FAM234B: variants seen among roughly 807,000 people sequenced by gnomAD.
FAM234B encodes protein FAM234B.
A neutral mutation model predicts 69.3 loss-of-function variants in FAM234B; 33 were observed. The ratio of observed to expected loss-of-function variants is 0.48; its 90% CI spans 0.36 to 0.64. The LOEUF (loss-of-function observed/expected upper bound fraction) is 0.64. FAM234B is among the 30% of genes least tolerant of loss of function. The probability of loss-of-function intolerance (pLI) is 0.00; values close to 1 mark genes in which losing one functional copy is unlikely to be tolerated. For synonymous variants in FAM234B, 306 were observed against 306.9 expected (o/e 1.00, Z 0.03); for missense variants, 697 against 769.7 (o/e 0.91, Z 1.12).
chr12:13,063,878 T>C (rs904301405), intron 5 of FAM234B, among the ~76,000 whole-genome samples: 1 of 152,256 alleles, frequency 6.6e-6, no homozygotes, highest in African/African-American at 2.4e-5. Flanking sequence ...AATGTGGATA[T>C]GGCTAATTTT....
chr12:13,061,622 G>A lies in FAM234B; in HGVS notation c.580G>A (p.Gly194Ser), dbSNP rs756937321. The A allele has an allele frequency of 6.2e-7, 1 of 1,613,936 alleles. No individual in the cohort carries two copies. The highest frequency in any genetic ancestry group is 8.5e-7 in the Non-Finnish European group (1 of 1,179,970). ...TCTTGTATGCCTTTCGGGGATGAAT[G>A]GCAGCACACTGTGGTCTAGTCTTCT... ...ANLVCLSGMN[G>S]STLWSSLLPE... Residue 194 changes from glycine (G) to serine (S), a missense_variant, in exon 4 of 13, where the codon GGC becomes AGC. By Grantham distance (56) the Gly-to-Ser change is moderately conservative. Coordinates refer to ENST00000197268, the MANE Select transcript of FAM234B (RefSeq NM_020853.2).
intron 11 of FAM234B, among the ~76,000 whole-genome samples, chr12:13,076,886 T>C (rs1865167707): frequency 6.6e-6 from 1 of 152,218 alleles, no homozygotes; most frequent in South Asian, 2.1e-4. Context: ...GCTGTTCCTG[T>C]TGGGAGGTCA....
At chr12:13,064,886 G>GT (rs1437189841) in intron 5 of FAM234B, among the ~76,000 whole-genome samples, 1 of 152,188 alleles carries the variant, frequency 6.6e-6, no homozygotes, top group African/African-American at 2.4e-5. Flanking sequence ...TGGGTTTAGA[G>GT]TGAAGTGGGC....
At chr12:13,068,221 A>G in intron 7 of FAM234B, 83 bp from the exon 8 acceptor site, 1 of 1,408,192 alleles carries the variant, frequency 7.1e-7, no homozygotes, top group African/African-American at 1.4e-5. Context: ...AGGTGTACGT[A>G]TACTGAGAGA....
intron 2 of FAM234B, 145 bp from the exon 3 acceptor site, chr12:13,058,306 T>A (rs1864952144): frequency 1.4e-6 from 1 of 699,490 alleles, no homozygotes; most frequent in African/African-American, 1.8e-5. Context: ...TTCCATGCAC[T>A]TAGCAGGGGG....
chr12:13,045,327 A>G (rs1360448615), intron 1 of FAM234B, among the ~76,000 whole-genome samples: 1 of 151,948 alleles, frequency 6.6e-6, no homozygotes, highest in African/African-American at 2.4e-5. Context: ...TTTAAACATT[A>G]GGCTTTAGAA....
At chr12:13,051,883 G>T (rs946966183) in intron 1 of FAM234B, among the ~76,000 whole-genome samples, 1 of 152,152 alleles carries the variant, frequency 6.6e-6, no homozygotes, top group African/African-American at 2.4e-5. Flanking sequence ...TATAAGCCAG[G>T]CACTAAGAAG....
intron 5 of FAM234B, among the ~76,000 whole-genome samples, chr12:13,064,496 G>A: frequency 6.6e-6 from 1 of 152,212 alleles, no homozygotes; most frequent in East Asian, 1.9e-4. Flanking sequence ...TAGTGGCTCA[G>A]GCCCTTGGGG....
At chr12:13,045,242 A>T (rs1246958557) in intron 1 of FAM234B, among the ~76,000 whole-genome samples, 1 of 149,298 alleles carries the variant, frequency 6.7e-6, no homozygotes, top group Admixed American at 6.6e-5. Flanking sequence ...TTTTCCTCCT[A>T]AACCTCCAGA....
At chr12:13,070,591 G>A (rs1453734807) in intron 9 of FAM234B, among the ~76,000 whole-genome samples, 1 of 152,180 alleles carries the variant, frequency 6.6e-6, no homozygotes, top group Non-Finnish European at 1.5e-5. Flanking sequence ...TTAGGATGAA[G>A]AGCAGACATA....
At chr12:13,078,838 T>C (rs1304938403) in intron 11 of FAM234B, among the ~76,000 whole-genome samples, 1 of 152,022 alleles carries the variant, frequency 6.6e-6, no homozygotes, top group Non-Finnish European at 1.5e-5. Context: ...ACAAGGGACA[T>C]GAAGGACCTC....
chr12:13,058,590 G>A (rs369066466), intron 3 of FAM234B, 41 bp downstream of exon 3: 44 of 1,523,012 alleles, frequency 2.9e-5, no homozygotes, highest in Non-Finnish European at 2.7e-6. Context: ...CAGGGGCACT[G>A]TCAGCTAGGA....
intron 11 of FAM234B, among the ~76,000 whole-genome samples, chr12:13,078,878 G>T (rs1328645671): frequency 3.3e-5 from 5 of 151,532 alleles, no homozygotes; most frequent in Admixed American, 1.3e-4. Flanking sequence ...CACTGCTCAA[G>T]GAAATAAAAG....
In FAM234B at chr12:13,055,926, G is replaced by A. The variant is rs202179871; in HGVS notation, c.413G>A (p.Arg138His). The A allele has an allele frequency of 4.9e-5, 77 of 1,568,652 alleles. No homozygotes were observed. The Admixed American group carries it at 7.3e-4, about 15-fold the overall frequency. ...AGAGATCTGCACAGCACCTGGAGCC[G>A]CCACTTGGGCTCCCAGGGAGGTGAG... ...PPRDLHSTWS[R>H]HLGSQGGGDL... Residue 138 changes from arginine to histidine, a missense_variant, in exon 2 of 13, where the codon CGC becomes CAC. By Grantham distance (29) the Arg-to-His change is conservative. Around this residue, in one of 3 missense-constraint regions of FAM234B, gnomAD observed 380 missense variants for 447.1 expected, o/e 0.85. Coordinates refer to ENST00000197268, the MANE Select transcript of FAM234B (RefSeq NM_020853.2).
At chr12:13,048,965 C>T (rs896975732) in intron 1 of FAM234B, among the ~76,000 whole-genome samples, 12 of 152,140 alleles carry the variant, frequency 7.9e-5, no homozygotes, top group Admixed American at 3.9e-4. Context: ...GAGAACAGTA[C>T]GGAAGAAACT....
intron 1 of FAM234B, among the ~76,000 whole-genome samples, chr12:13,047,386 C>A (rs953473441): frequency 6.6e-6 from 1 of 152,034 alleles, no homozygotes; most frequent in Non-Finnish European, 1.5e-5. Flanking sequence ...TCTTTATATG[C>A]CCTTGGGTAA....
chr12:13,079,204 G>C (rs1865196363), intron 11 of FAM234B, among the ~76,000 whole-genome samples: 1 of 152,074 alleles, frequency 6.6e-6, no homozygotes, highest in Non-Finnish European at 1.5e-5. Flanking sequence ...ATAGATCAAT[G>C]GAACAGAACA....
At chr12:13,058,834 C>T (rs1028437703) in intron 3 of FAM234B, among the ~76,000 whole-genome samples, 12 of 152,200 alleles carry the variant, frequency 7.9e-5, no homozygotes, top group African/African-American at 2.4e-4. Context: ...CACTTTGCAA[C>T]GAACAGTGTT....
chr12:13,051,819 A>G (rs1461466242), intron 1 of FAM234B, among the ~76,000 whole-genome samples: 2 of 152,206 alleles, frequency 1.3e-5, no homozygotes, highest in African/African-American at 4.8e-5. Flanking sequence ...GAGATACAAT[A>G]CTAGCACCAG....
Sources: allele counts gnomAD v4.1 joint callset (sites outside exome capture counted in the v4.1 genomes callset), GRCh38; gene constraint gnomAD v4.1.1; regional missense constraint gnomAD v4.1.1; transcripts MANE v1.5; gene names NCBI Gene and HGNC (gene_info 2026-07-23, HGNC 2026-07-21).